Variants in CFAP92 observed in about 807,000 individuals in gnomAD.
CFAP92 encodes cilia and flagella associated protein 92 (putative).
In CFAP92, 86 loss-of-function variants were observed where a neutral mutation model predicts 106.3. The ratio of observed to expected loss-of-function variants is 0.81; its 90% confidence interval spans 0.68 to 0.97. The LOEUF (loss-of-function observed/expected upper bound fraction) is 0.97, where lower values mean the gene tolerates loss of function less well. Ranked by LOEUF, CFAP92 falls within the 50% of genes least tolerant of loss-of-function variation. The probability of loss-of-function intolerance (pLI) is 0.00; values close to 1 mark genes in which losing one functional copy is unlikely to be tolerated. For missense variants in CFAP92, 1,204 were observed against 1,283.8 expected (o/e 0.94, Z 0.95); for synonymous variants, 477 against 506.4 (o/e 0.94, Z 0.78).
At chr3:129,015,644 C>T in the CFAP92 span, among the ~76,000 whole-genome samples, 3 of 152,190 alleles carry the variant, frequency 2.0e-5, no homozygotes, top group South Asian at 2.1e-4. Context: ...CCCTTCCCAC[C>T]GCCATCCCCT....
intron 10 of CFAP92, among the ~76,000 whole-genome samples, chr3:128,944,193 A>C (rs1939971648): frequency 6.6e-6 from 1 of 152,108 alleles, no homozygotes; most frequent in Non-Finnish European, 1.5e-5. Context: ...TTAGCCTCCC[A>C]AAGTGCTGGG....
intron 4 of CFAP92, among the ~76,000 whole-genome samples, chr3:128,981,717 T>G (rs1375207695): frequency 6.6e-6 from 1 of 152,244 alleles, no homozygotes. Context: ...ATGTGGCTTT[T>G]AGATAATAAG....
chr3:128,988,096 GC>G (rs1943972107), intron 3 of CFAP92, among the ~76,000 whole-genome samples: 1 of 152,204 alleles, frequency 6.6e-6, no homozygotes, highest in African/African-American at 2.4e-5. Context: ...ATGACCCAGG[GC>G]CAAACCACTG....
chr3:128,943,927 T>G (rs1288325719), intron 10 of CFAP92, among the ~76,000 whole-genome samples: 1 of 148,438 alleles, frequency 6.7e-6, no homozygotes, highest in East Asian at 1.9e-4. Flanking sequence ...CCCGTTTTTT[T>G]TTTTTTTTTT....
chr3:128,938,344 A>C (rs1194798858), intron 10 of CFAP92, among the ~76,000 whole-genome samples: 2 of 152,186 alleles, frequency 1.3e-5, no homozygotes, highest in Non-Finnish European at 1.5e-5. Flanking sequence ...TGTGTGAGCC[A>C]GCAAATTAGG....
chr3:128,938,279 T>C (rs1384984278), intron 10 of CFAP92, among the ~76,000 whole-genome samples: 3 of 151,708 alleles, frequency 2.0e-5, no homozygotes, highest in African/African-American at 7.3e-5. Context: ...AACGACAAAG[T>C]TAAAAGTTTA....
chr3:129,003,920 C>T (rs1421569765), upstream of CFAP92: 2 of 1,355,364 alleles, frequency 1.5e-6, no homozygotes, highest in Middle Eastern at 2.7e-4. Context: ...TGGGCGGCTG[C>T]GCCGTGGCCA....
rs554275842 is a variant in CFAP92 at position 128,932,827 on chromosome 3, T to C, written c.2624A>G (p.Asn875Ser). The C allele has an allele frequency of 1.6e-4, 252 of 1,536,148 alleles. 2 individuals carry two copies. In the Middle Eastern group the frequency reaches 0.01, roughly 62 times the overall value. ...LFALPPQPAP[N>S]LEDYHSRNST... Reference sequence around the variant, plus strand: ...GTTCCGACTGTGGTAGTCCTCAAGATTGGGGGCAGGCTGAGGTGGTAGGGC... The same window carrying C: ...GTTCCGACTGTGGTAGTCCTCAAGACTGGGGGCAGGCTGAGGTGGTAGGGC... Residue 875 changes from asparagine to serine, a missense_variant, in exon 12 of 16, where the codon AAT becomes AGT. Asn to Ser is a conservative substitution (Grantham distance 46, BLOSUM62 1). Transcript: ENST00000645291.
chr3:128,935,017 G>C (rs944097006), intron 11 of CFAP92, 108 bp downstream of exon 11: 4 of 806,806 alleles, frequency 5.0e-6, no homozygotes, highest in East Asian at 2.7e-5. Context: ...ATCTGTTGGG[G>C]CCACTATCTA....
At chr3:128,995,897 G>A (rs187303425), upstream of CFAP92, among the ~76,000 whole-genome samples, 4 of 152,306 alleles carry the variant, frequency 2.6e-5, no homozygotes, top group Non-Finnish European at 4.4e-5. Context: ...ATAATCTTCC[G>A]GCAGGCATTG....
intron 10 of CFAP92, among the ~76,000 whole-genome samples, chr3:128,943,682 C>T (rs756222584): frequency 2.0e-5 from 3 of 151,658 alleles, no homozygotes; most frequent in Non-Finnish European, 2.9e-5. Context: ...ATTACAGGCA[C>T]GTGCCACCAT....
At chr3:128,970,000 A>G (rs997045452) in intron 8 of CFAP92, 1 of 152,166 alleles carries the variant, frequency 6.6e-6, no homozygotes, top group Admixed American at 6.5e-5. Flanking sequence ...CATGCCTGTA[A>G]TTCTAGAACT....
rs116187304 is a variant in CFAP92 at position 128,988,757 on chromosome 3, C to A, written c.424G>T (p.Ala142Ser). The part of the protein sequence containing the change: ...KVDILLFPMV[A>S]KVFLESGVKT... ...ACTCCTGACTCCAGGAATACTTTGG[C>A]CACCATTGGAAATAGCAATATGTCA... is the stretch of plus-strand genomic sequence containing the variant. The change falls in exon 3 of 16, where the codon GCC becomes TCC. Residue 142 changes from alanine to serine, a missense_variant. By Grantham distance (99) the Ala-to-Ser change is moderately conservative (BLOSUM62 1). Coordinates refer to ENST00000645291, the MANE Select transcript of CFAP92 (RefSeq NM_001394090.1). 7,983 of 1,613,634 alleles carry A rather than the reference C, an allele frequency of 4.9e-3. 23 individuals carry two copies. The highest frequency in any genetic ancestry group is 5.8e-3 in the Non-Finnish European group (6,901 of 1,179,888).
At chr3:128,990,325 C>T (rs1328124435) in intron 2 of CFAP92, among the ~76,000 whole-genome samples, 3 of 152,188 alleles carry the variant, frequency 2.0e-5, no homozygotes, top group African/African-American at 4.8e-5. Context: ...GGCGAAACCC[C>T]GTCTCTACTA....
chr3:129,023,719 A>G, the CFAP92 span, among the ~76,000 whole-genome samples: 1 of 152,234 alleles, frequency 6.6e-6, no homozygotes, highest in Non-Finnish European at 1.5e-5. Context: ...TTACCACTAC[A>G]TAAAATATGT....
At position 129,001,716 on chromosome 3, in the gene CFAP92, C is replaced by T. The variant is rs776877258; in HGVS notation, n.117+858G>A. 13 of 1,516,322 alleles carry T rather than the reference C, an allele frequency of 8.6e-6. No homozygotes were observed. In the South Asian group the frequency reaches 1.6e-4, roughly 19 times the overall value. 93.9% of individuals were successfully genotyped at this position (1,516,322 alleles called of 1,614,324 possible). On this transcript the variant is annotated intron_variant and non_coding_transcript_variant, in intron 1 of 4. Coordinates refer to the CFAP92 transcript ENST00000510149. The stretch of plus-strand genomic sequence containing the variant: ...GCGACCTGCGCGGCGCACGCAGTGG[C>T]TGCTGAGCGCCCTGGCGCACCACTA...
At chr3:129,024,089 GCTAA>G in the CFAP92 span, among the ~76,000 whole-genome samples, 1 of 152,196 alleles carries the variant, frequency 6.6e-6, no homozygotes, top group Non-Finnish European at 1.5e-5. Flanking sequence ...CAGTCCCTGT[GCTAA>G]CTGTCCTCAA....
intron 9 of CFAP92, among the ~76,000 whole-genome samples, chr3:128,963,466 G>T (rs1942112377): frequency 6.6e-6 from 1 of 152,028 alleles, no homozygotes; most frequent in African/African-American, 2.4e-5. Flanking sequence ...TATACTTTCT[G>T]CTCCCCGGCT....
At chr3:128,997,215 C>A (rs1944512022), upstream of CFAP92, among the ~76,000 whole-genome samples, 1 of 152,214 alleles carries the variant, frequency 6.6e-6, no homozygotes, top group African/African-American at 2.4e-5. Context: ...TATGTAGAGG[C>A]CTTCCTGAAG....
Sources: gnomAD v4.1 joint callset for allele counts (sites outside exome capture counted in the v4.1 genomes callset) on GRCh38, gnomAD v4.1.1 for gene constraint, MANE v1.5 for transcripts, NCBI Gene and HGNC (gene_info 2026-07-23, HGNC 2026-07-21) for gene names.